NRG1: variants seen among roughly 807,000 people sequenced by gnomAD.
NRG1 encodes the protein pro-neuregulin-1, membrane-bound isoform.
A neutral mutation model predicts 63.8 loss-of-function variants in NRG1; 18 were observed. The ratio of observed to expected loss-of-function variants is 0.28; its 90% CI spans 0.19 to 0.42. The LOEUF (loss-of-function observed/expected upper bound fraction) is 0.42, where lower values mean the gene tolerates loss of function less well. Among genes scored for constraint, NRG1 ranks in the 10% least tolerant of loss-of-function variants. The probability of loss-of-function intolerance (pLI) is 1.00; values close to 1 mark genes in which losing one functional copy is unlikely to be tolerated. For missense variants in NRG1, 762 were observed against 814.7 expected, an observed-to-expected ratio of 0.94 and a Z score of 0.79; for synonymous variants, 302 against 301.3, an observed-to-expected ratio of 1.00 and a Z score of -0.02.
chr8:32,519,552 A>G (rs1288193468), intron 1 of NRG1, among the ~76,000 whole-genome samples: 2 of 152,136 alleles, frequency 1.3e-5, no homozygotes, highest in African/African-American at 4.8e-5. Context: ...AGTTGGATAG[A>G]AATTTACACA....
chr8:32,078,940 G>C (rs1037015765), intron 1 of NRG1, among the ~76,000 whole-genome samples: 5 of 152,056 alleles, frequency 3.3e-5, no homozygotes, highest in Non-Finnish European at 7.3e-5. Context: ...ATGTTAACTG[G>C]CAGTTATTCA....
chr8:32,764,429 T>G, exon 12 of NRG1: 1 of 1,489,224 alleles, frequency 6.7e-7, no homozygotes. Flanking sequence ...TAGATTCACC[T>G]GTAAAACTTT....
chr8:31,806,402 A>G (rs1338423678), intron 1 of NRG1, among the ~76,000 whole-genome samples: 1 of 152,158 alleles, frequency 6.6e-6, no homozygotes, highest in Non-Finnish European at 1.5e-5. Flanking sequence ...TTCATTTACA[A>G]ATTAATTATG....
intron 1 of NRG1, among the ~76,000 whole-genome samples, chr8:31,814,530 T>A (rs1251765800): frequency 2.0e-5 from 3 of 152,094 alleles, no homozygotes; most frequent in Non-Finnish European, 2.9e-5. Flanking sequence ...ATTCGTAGAA[T>A]CAGATGAATA....
intron 1 of NRG1, among the ~76,000 whole-genome samples, chr8:31,681,949 T>C (rs753534625): frequency 2.0e-5 from 3 of 152,120 alleles, no homozygotes; most frequent in Non-Finnish European, 2.9e-5. Flanking sequence ...CCTATGCTGC[T>C]GCATCAGTAT....
intron 1 of NRG1, among the ~76,000 whole-genome samples, chr8:31,800,475 A>G (rs1367772050): frequency 1.3e-5 from 2 of 152,202 alleles, no homozygotes; most frequent in Non-Finnish European, 2.9e-5. Flanking sequence ...TTTCTACCGC[A>G]TTTATCTCAG....
chr8:32,147,771 G>A (rs955736971), intron 1 of NRG1, among the ~76,000 whole-genome samples: 6 of 152,164 alleles, frequency 3.9e-5, no homozygotes, highest in East Asian at 1.9e-4. Flanking sequence ...ACCTATCCAC[G>A]TACGTATGTG....
Position 31,993,345 on chromosome 8 carries a change from G to A in NRG1, c.37+353914G>A, listed in dbSNP as rs149878004. ...AGCTTCATTTGTAATCCCTTGTTCT[G>A]CTTTGTTTCATTCTTGGACTCTAAT... On this transcript the variant is annotated intron_variant, in intron 1 of 10. Coordinates refer to the NRG1 transcript ENST00000519301. 1.7e-3 allele frequency among the ~76,000 whole-genome samples: 255 copies of A among 151,990 alleles called. 3 individuals are homozygous for A. The highest frequency in any genetic ancestry group is 6.0e-3 in the African/African-American group (249 of 41,504).
chr8:32,772,036 AATATG>A (rs1421079324), downstream of NRG1, among the ~76,000 whole-genome samples: 1 of 13,922 alleles, frequency 7.2e-5, no homozygotes, highest in Non-Finnish European at 3.1e-4. Flanking sequence ...AAAAAAAAAA[AATATG>A]TATATATATA....
intron 1 of NRG1, among the ~76,000 whole-genome samples, chr8:31,848,708 C>A (rs890443109): frequency 3.3e-5 from 5 of 152,134 alleles, no homozygotes; most frequent in Admixed American, 2.0e-4. Flanking sequence ...ACTGCACATG[C>A]AAGGGATCTA....
At chr8:32,074,957 G>A (rs1301342473) in intron 1 of NRG1, among the ~76,000 whole-genome samples, 1 of 152,218 alleles carries the variant, frequency 6.6e-6, no homozygotes, top group Admixed American at 6.5e-5. Flanking sequence ...GATTGCCTGA[G>A]TTCATATCTC....
At chr8:32,645,495 T>C (rs1853328831) in intron 5 of NRG1, among the ~76,000 whole-genome samples, 1 of 152,236 alleles carries the variant, frequency 6.6e-6, no homozygotes, top group African/African-American at 2.4e-5. Flanking sequence ...TGTATAATTA[T>C]GGACTAATTT....
rs377317779 is a variant in NRG1 at position 32,226,830 on chromosome 8, G to A, written c.38-368998G>A. 3.3e-5 allele frequency among the ~76,000 whole-genome samples: 5 copies of A among 152,094 alleles called. 1 individual carries two copies. Among genetic ancestry groups the A allele is most frequent in the Admixed American group, 3.3e-4 (5 of 15,254 alleles). ...CCCTGTCAAAATGTCAAGTTGTTTTGACTTCACAACAAAAGAGGAAGGAAG... is the reference window on the plus strand; with the variant it reads ...CCCTGTCAAAATGTCAAGTTGTTTTAACTTCACAACAAAAGAGGAAGGAAG... On this transcript the variant is annotated intron_variant, in intron 1 of 10. Coordinates refer to the NRG1 transcript ENST00000519301.
intron 1 of NRG1, among the ~76,000 whole-genome samples, chr8:31,845,085 C>T (rs538112433): frequency 2.1e-4 from 31 of 150,842 alleles, no homozygotes; most frequent in African/African-American, 2.7e-4. Context: ...CCAGCCTGGG[C>T]GACAGGGTGA....
At chr8:32,600,065 A>G (rs1340826066) in intron 2 of NRG1, among the ~76,000 whole-genome samples, 1 of 152,106 alleles carries the variant, frequency 6.6e-6, no homozygotes, top group Non-Finnish European at 1.5e-5. Context: ...GAGAATCCTC[A>G]GTGGCATTCC....
At chr8:32,183,626 C>A (rs1841666020) in intron 1 of NRG1, among the ~76,000 whole-genome samples, 1 of 152,160 alleles carries the variant, frequency 6.6e-6, no homozygotes, top group African/African-American at 2.4e-5. Flanking sequence ...ATCAACCAAC[C>A]AAGTGCCAGC....
At chr8:32,067,475 A>T (rs950512788) in intron 1 of NRG1, among the ~76,000 whole-genome samples, 3 of 152,166 alleles carry the variant, frequency 2.0e-5, no homozygotes, top group Non-Finnish European at 4.4e-5. Context: ...GGTTCTGTTT[A>T]TATGCTGGAT....
At chr8:32,611,357 C>T (rs575507108) in intron 3 of NRG1, among the ~76,000 whole-genome samples, 3 of 151,112 alleles carry the variant, frequency 2.0e-5, no homozygotes, top group Non-Finnish European at 3.0e-5. Context: ...TACCCCCTTT[C>T]CCAAATTGAT....
chr8:32,207,555 G>A (rs1054653125), intron 1 of NRG1, among the ~76,000 whole-genome samples: 1 of 152,118 alleles, frequency 6.6e-6, no homozygotes, highest in Non-Finnish European at 1.5e-5. Context: ...GGAACAATCA[G>A]TTTCCTTCTC....
Sources: allele counts gnomAD v4.1 joint callset (sites outside exome capture counted in the v4.1 genomes callset), GRCh38; gene constraint gnomAD v4.1.1; transcripts MANE v1.5; gene names NCBI Gene and HGNC (gene_info 2026-07-23, HGNC 2026-07-21).